The following OPHN1 variants were observed in gnomAD, a reference collection of about 807,000 sequenced individuals.
OPHN1 encodes oligophrenin-1.
A neutral mutation model predicts 60.7 loss-of-function variants in OPHN1; 11 were observed. The ratio of observed to expected loss-of-function variants is 0.18; its 90% CI spans 0.11 to 0.30. OPHN1 has a LOEUF of 0.30. Among genes scored for constraint, OPHN1 ranks in the 10% least tolerant of loss-of-function variants. OPHN1 has a pLI of 1.00. For missense variants in OPHN1, 449 were observed against 611.0 expected (o/e 0.73, Z 2.80); for synonymous variants, 226 against 222.6 (o/e 1.02, Z -0.14).
At chrX:68,083,666 A>G (rs2076984008) in intron 19 of OPHN1, among the ~76,000 whole-genome samples, 1 of 112,664 alleles carries the variant, frequency 8.9e-6, no homozygotes. Flanking sequence ...CTTTCAGCCT[A>G]TCTCAGCTTT....
Position 68,404,163 on chromosome X carries a change from AC to A in OPHN1, c.154+28703del, listed in dbSNP as rs2078729302. 3.5e-4 allele frequency among the ~76,000 whole-genome samples: 38 copies of A among 107,179 alleles called. No individual in the cohort carries two copies. In the South Asian group the frequency reaches 0.016, roughly 44 times the overall value. The allele number at this position is 107,179 out of a possible 115,157, so 93.1% of individuals were successfully genotyped here. A position where few individuals can be genotyped will look rare whatever the true frequency, so the allele number is the denominator to read the frequency against. ...GAAAACAGTATGGTGGTTCCTAAAA[AC>A]TTTTTTTTTTTTTTGAGACAGAGTC... On this transcript the variant is annotated intron_variant, in intron 2 of 24. Transcript: ENST00000355520.
intron 15 of OPHN1, among the ~76,000 whole-genome samples, chrX:68,135,132 T>C (rs1232701593): frequency 9.0e-6 from 1 of 111,301 alleles, no homozygotes; most frequent in Non-Finnish European, 1.9e-5. Context: ...TCAGAGACAG[T>C]TGTTCTGATC....
chrX:68,226,678 G>T (rs751852508), intron 6 of OPHN1, among the ~76,000 whole-genome samples: 1 of 111,494 alleles, frequency 9.0e-6, no homozygotes, highest in South Asian at 3.8e-4. Flanking sequence ...ACAAGCAAAT[G>T]CTGAGAGATT....
chrX:68,398,770 G>A (rs996037667), intron 2 of OPHN1, among the ~76,000 whole-genome samples: 7 of 110,728 alleles, frequency 6.3e-5, no homozygotes, highest in African/African-American at 9.9e-5. Context: ...CCAATATGAC[G>A]AAACCCTGTC....
intron 12 of OPHN1, among the ~76,000 whole-genome samples, chrX:68,196,377 A>G (rs769342609): frequency 8.9e-6 from 1 of 111,954 alleles, no homozygotes; most frequent in African/African-American, 3.2e-5. Flanking sequence ...CCTGTGAGAT[A>G]GGTAGAAAGA....
intron 5 of OPHN1, among the ~76,000 whole-genome samples, chrX:68,239,011 T>C (rs1054040051): frequency 1.3e-4 from 15 of 111,114 alleles, no homozygotes; most frequent in Non-Finnish European, 2.8e-4. Flanking sequence ...AGATCATACA[T>C]GGGATTGGAG....
intron 20 of OPHN1, among the ~76,000 whole-genome samples, chrX:68,068,060 G>T (rs1259323529): frequency 9.0e-6 from 1 of 111,484 alleles, no homozygotes; most frequent in Non-Finnish European, 1.9e-5. Flanking sequence ...AACATTAAAT[G>T]AGATTATGGA....
chrX:68,306,449 G>A (rs929299333), intron 2 of OPHN1, among the ~76,000 whole-genome samples: 2 of 111,889 alleles, frequency 1.8e-5, no homozygotes, highest in African/African-American at 6.5e-5. Context: ...AAAGATTGGG[G>A]AGGAATCAGT....
chrX:68,371,000 G>A (rs776310013), intron 2 of OPHN1, among the ~76,000 whole-genome samples: 2 of 110,881 alleles, frequency 1.8e-5, no homozygotes, highest in Non-Finnish European at 3.8e-5. Context: ...CCAAAATGTC[G>A]GAAGTAAGCC....
intron 15 of OPHN1, among the ~76,000 whole-genome samples, chrX:68,186,727 C>T (rs966950096): frequency 2.7e-5 from 3 of 111,409 alleles, no homozygotes; most frequent in Non-Finnish European, 5.6e-5. Context: ...GATAAGGGTG[C>T]CAGTATGGTT....
At chrX:68,086,811 A>T (rs2076997728) in intron 19 of OPHN1, among the ~76,000 whole-genome samples, 1 of 111,478 alleles carries the variant, frequency 9.0e-6, no homozygotes, top group African/African-American at 3.3e-5. Flanking sequence ...CCTAACTCAT[A>T]GACAGACTAG....
intron 2 of OPHN1, among the ~76,000 whole-genome samples, chrX:68,413,421 C>G (rs1602401246): frequency 9.0e-6 from 1 of 111,304 alleles, no homozygotes; most frequent in Non-Finnish European, 1.9e-5. Context: ...GAAGATATCC[C>G]TCTACACCCA....
chrX:68,087,615 A>G (rs192831384), intron 19 of OPHN1, among the ~76,000 whole-genome samples: 79 of 112,266 alleles, frequency 7.0e-4, no homozygotes, highest in Admixed American at 3.3e-3. Flanking sequence ...ATCTTGGCAG[A>G]AATGAGCAAC....
intron 18 of OPHN1, among the ~76,000 whole-genome samples, chrX:68,103,428 A>T (rs988376489): frequency 8.9e-6 from 1 of 112,214 alleles, no homozygotes; most frequent in Non-Finnish European, 1.9e-5. Context: ...ATGATAGTGA[A>T]TGGGCAAAAG....
At chrX:68,350,466 T>TCCATC (rs2078403012) in intron 2 of OPHN1, among the ~76,000 whole-genome samples, 1 of 68,624 alleles carries the variant, frequency 1.5e-5, no homozygotes, top group African/African-American at 7.3e-5. Context: ...CTTCCTTCCT[T>TCCATC]CCTTCCTCCC....
chrX:68,384,370 G>A (rs1300007636), intron 2 of OPHN1, among the ~76,000 whole-genome samples: 1 of 111,484 alleles, frequency 9.0e-6, no homozygotes, highest in Admixed American at 9.6e-5. Flanking sequence ...AGCTCTAAGG[G>A]CACAAAAAAC....
chrX:68,227,115 T>C (rs1163208385), intron 6 of OPHN1, among the ~76,000 whole-genome samples: 1 of 111,319 alleles, frequency 9.0e-6, no homozygotes, highest in East Asian at 2.8e-4. Context: ...TCCTAGGCTC[T>C]GATAAAACAG....
intron 2 of OPHN1, among the ~76,000 whole-genome samples, chrX:68,418,425 G>C (rs1307440488): frequency 1.8e-5 from 2 of 111,050 alleles, no homozygotes; most frequent in Non-Finnish European, 3.8e-5. Flanking sequence ...AGGAGGAGAG[G>C]CTCAAGGAGC....
At chrX:68,385,495 A>C (rs1435365252) in intron 2 of OPHN1, among the ~76,000 whole-genome samples, 1 of 112,528 alleles carries the variant, frequency 8.9e-6, no homozygotes, top group Non-Finnish European at 1.9e-5. Context: ...GAATACTGTT[A>C]AACTGTGACT....
Sources: gnomAD v4.1 joint callset for allele counts (sites outside exome capture counted in the v4.1 genomes callset) on GRCh38, gnomAD v4.1.1 for gene constraint, MANE v1.5 for transcripts, NCBI Gene and HGNC (gene_info 2026-07-23, HGNC 2026-07-21) for gene names.